The following DIP2A variants were observed in gnomAD, a reference collection of about 807,000 sequenced individuals.
DIP2A encodes DIP2 acetate--CoA ligase A, also known as disco-interacting protein 2 homolog A.
A neutral mutation model predicts 177.4 loss-of-function variants in DIP2A; 85 were observed. That is an observed-to-expected ratio of 0.48 (90% CI 0.40 to 0.57). DIP2A has a LOEUF of 0.57. Among genes scored for constraint, DIP2A ranks in the 20% least tolerant of loss-of-function variants. The pLI, the probability that DIP2A is intolerant of heterozygous loss-of-function variation, is 0.00. For missense variants in DIP2A, 1,791 were observed against 2,100.2 expected (o/e 0.85, Z 2.88); for synonymous variants, 886 against 881.8 (o/e 1.00, Z -0.08).
chr21:46,573,645 C>CAAAAAAAAAAAAAAAAA (rs201994694), downstream of DIP2A, among the ~76,000 whole-genome samples: 33 of 52,974 alleles, frequency 6.2e-4, 1 homozygote, highest in African/African-American at 9.6e-4. Context: ...CCCTCTCTCA[C>CAAAAAAAAAAAAAAAAA]AAAAAAAAAA....
chr21:46,518,840 G>T (rs9980470), intron 8 of DIP2A, among the ~76,000 whole-genome samples: 54,174 of 152,190 alleles, frequency 0.36, 10,006 homozygotes, highest in Middle Eastern at 0.45. Context: ...CTAAGTGACA[G>T]AGCGAGACCC....
chr21:46,528,568 T>TTTTTTTTTTTTTTTTTTTTA lies in DIP2A; in HGVS notation c.1103-524_1103-523insTTTTTTTTTTTTTTTTTTTA, dbSNP rs1569043246. On this transcript the variant is annotated intron_variant, in intron 8 of 37. Transcript: ENST00000417564. ...TTTTTTTTTTTTTTTTTTTTTTTTT[T>TTTTTTTTTTTTTTTTTTTTA]AGATAATGTCTTTATTGCCCAGGCT... Among the ~76,000 whole-genome samples, 5 of 90,636 alleles carry TTTTTTTTTTTTTTTTTTTTA rather than the reference T, an allele frequency of 5.5e-5. 1 individual carries two copies. Among genetic ancestry groups the TTTTTTTTTTTTTTTTTTTTA allele is most frequent in the East Asian group, 4.5e-4 (1 of 2,220 alleles). The allele number at this position is 90,636 out of a possible 152,430, so 59.5% of individuals were successfully genotyped here.
intron 19 of DIP2A, 22 bp downstream of exon 19, chr21:46,545,295 T>A: frequency 6.3e-7 from 1 of 1,581,030 alleles, no homozygotes; most frequent in Non-Finnish European, 8.7e-7. Flanking sequence ...TTCCTGACTT[T>A]CATGTTGAAG....
Position 46,554,549 on chromosome 21 carries a change from C to G in DIP2A, c.3155-26C>G. ...GTGGGAGCCTCTTGCGGCCGGCCTC[C>G]TCACAGCCAGTCCTTGTCTCCACAG... On this transcript the variant is annotated intron_variant, in intron 26 of 37. Transcript: ENST00000417564. 4 of 1,607,250 alleles carry G rather than the reference C, an allele frequency of 2.5e-6. No individual in the cohort carries two copies. The South Asian group carries it at 3.3e-5, about 13-fold the overall frequency.
intron 34 of DIP2A, 103 bp downstream of exon 34, chr21:46,561,908 G>A: frequency 6.6e-7 from 1 of 1,523,832 alleles, no homozygotes; most frequent in South Asian, 1.3e-5. Flanking sequence ...GATGAACACA[G>A]GTCGACTTCT....
chr21:46,534,146 A>G lies in DIP2A; in HGVS notation c.1539+33A>G, dbSNP rs761082193. 100 of 1,526,180 alleles carry G rather than the reference A, an allele frequency of 6.6e-5. 1 individual carries two copies. In the South Asian group the frequency reaches 1.1e-3, roughly 17 times the overall value. 94.5% of individuals were successfully genotyped at this position (1,526,180 alleles called of 1,614,324 possible). On this transcript the variant is annotated intron_variant, in intron 12 of 37. Coordinates refer to ENST00000417564, the MANE Select transcript of DIP2A (RefSeq NM_015151.4). The stretch of plus-strand genomic sequence containing the variant: ...CTGTTCCTAACTTAGAGAATGTAAA[A>G]ACATGTCCCACAGGCTTAAGTCTTG...
At chr21:46,554,786 G>GCCCCCCCCCCCCCCCC in intron 27 of DIP2A, 36 bp from the exon 28 acceptor site, 2 of 1,519,114 alleles carry the variant, frequency 1.3e-6, no homozygotes, top group Admixed American at 2.0e-5. Context: ...AGCTTGAGAG[G>GCCCCCCCCCCCCCCCC]CCCCGCCCAC....
In DIP2A at chr21:46,545,887, C is replaced by G; in HGVS notation, c.2320C>G (p.Pro774Ala). Residue 774 changes from proline to alanine, a missense_variant, in exon 20 of 38, where the codon CCG becomes GCG. By Grantham distance (27) the Pro-to-Ala change is conservative. Coordinates refer to ENST00000417564, the MANE Select transcript of DIP2A (RefSeq NM_015151.4). Reference sequence around the variant, plus strand: ...CCCTCTCCACTTTGTGCAGGCAGTTCCGGTCACCACAGGAGGAGCACCCAT... The same window carrying G: ...CCCTCTCCACTTTGTGCAGGCAGTTGCGGTCACCACAGGAGGAGCACCCAT... Reference protein sequence around the residue: ...GITKNVFEAVPVTTGGAPIFD... With the variant: ...GITKNVFEAVAVTTGGAPIFD... 3 of 1,613,842 alleles carry G rather than the reference C, an allele frequency of 1.9e-6. No homozygotes were observed. The highest frequency in any genetic ancestry group is 2.5e-6 in the Non-Finnish European group (3 of 1,179,802).
At chr21:46,523,393 A>ATTTTTTTTTTTTTT (rs61370008) in intron 8 of DIP2A, among the ~76,000 whole-genome samples, 171 of 89,892 alleles carry the variant, frequency 1.9e-3, no homozygotes, top group Non-Finnish European at 2.4e-3. Context: ...CGCCTGGCTA[A>ATTTTTTTTTTTTTT]TTTTTTTTTT....
At chr21:46,516,478 TC>T (rs2058577803) in intron 8 of DIP2A, among the ~76,000 whole-genome samples, 1 of 146,584 alleles carries the variant, frequency 6.8e-6, no homozygotes, top group Non-Finnish European at 1.5e-5. Context: ...AATCTTGTCT[TC>T]TGAAATTTCT....
intron 1 of DIP2A, among the ~76,000 whole-genome samples, chr21:46,468,426 AAAG>A (rs1217227888): frequency 1.6e-5 from 2 of 127,928 alleles, no homozygotes; most frequent in African/African-American, 5.7e-5. Context: ...AAAAAAAAAA[AAAG>A]AGAGAAAATC....
downstream of DIP2A, among the ~76,000 whole-genome samples, chr21:46,573,073 C>G (rs2060978175): frequency 6.6e-6 from 1 of 151,866 alleles, no homozygotes; most frequent in Non-Finnish European, 1.5e-5. Flanking sequence ...GAACATATTT[C>G]TGTTGTTAAG....
At chr21:46,462,516 G>C (rs1033223283) in intron 1 of DIP2A, 4 of 152,180 alleles carry the variant, frequency 2.6e-5, no homozygotes, top group Admixed American at 2.0e-4. Context: ...AAAATGCTTC[G>C]AAACTGGTAA....
intron 10 of DIP2A, among the ~76,000 whole-genome samples, chr21:46,532,948 A>G (rs568354585): frequency 6.6e-6 from 1 of 152,358 alleles, no homozygotes; most frequent in African/African-American, 2.4e-5. Flanking sequence ...CCCAAAAGTA[A>G]AATTTGCAAA....
At chr21:46,477,521 C>T (rs1038394957) in intron 1 of DIP2A, among the ~76,000 whole-genome samples, 4 of 91,182 alleles carry the variant, frequency 4.4e-5, no homozygotes, top group Middle Eastern at 7.4e-3. Flanking sequence ...GGTGAGACTC[C>T]GCCTAAAATA....
rs993548561 is a variant in DIP2A, at chr21:46,569,168, C to T, written c.*1546C>T. Reference sequence around the variant, plus strand: ...CAAATTTTGTGAATCATGCATGCTTCACAGAAACAACCAGGTTTTTCCAGA... The same window carrying T: ...CAAATTTTGTGAATCATGCATGCTTTACAGAAACAACCAGGTTTTTCCAGA... On this transcript the variant is annotated 3_prime_UTR_variant, in exon 38 of 38. Transcript: ENST00000417564. The T allele has an allele frequency of 6.6e-6, 1 of 152,078 alleles. No individual in the cohort carries two copies. Among genetic ancestry groups the T allele is most frequent in the African/African-American group, 2.4e-5 (1 of 41,412 alleles). The allele number at this position is 152,078 out of a possible 1,614,324, so 9.4% of individuals were successfully genotyped here.
chr21:46,489,542 G>A (rs1364244058), intron 2 of DIP2A, among the ~76,000 whole-genome samples: 2 of 152,154 alleles, frequency 1.3e-5, no homozygotes, highest in African/African-American at 4.8e-5. Context: ...GTAGAGCCGT[G>A]TCGCCTTTCA....
intron 1 of DIP2A, among the ~76,000 whole-genome samples, chr21:46,464,015 C>G (rs2054575725): frequency 6.6e-6 from 1 of 151,372 alleles, no homozygotes; most frequent in Non-Finnish European, 1.5e-5. Context: ...GCCCATAATT[C>G]TTAATTTTCA....
intron 8 of DIP2A, among the ~76,000 whole-genome samples, chr21:46,528,357 G>A (rs368123930): frequency 5.3e-5 from 8 of 151,810 alleles, no homozygotes; most frequent in East Asian, 3.9e-4. Flanking sequence ...GATATTTAAC[G>A]TAATGAAAAT....
Sources: gnomAD v4.1 joint callset for allele counts (sites outside exome capture counted in the v4.1 genomes callset) on GRCh38, gnomAD v4.1.1 for gene constraint, MANE v1.5 for transcripts, NCBI Gene and HGNC (gene_info 2026-07-23, HGNC 2026-07-21) for gene names.